HSF2: variants seen among roughly 807,000 people sequenced by gnomAD.
HSF2 encodes the protein heat shock factor protein 2.
In HSF2, 21 loss-of-function variants were observed where a neutral mutation model predicts 65.0. The ratio of observed to expected loss-of-function variants is 0.32; its 90% CI spans 0.23 to 0.47. HSF2 has a LOEUF of 0.47. Ranked by LOEUF, HSF2 falls within the 20% of genes least tolerant of loss-of-function variation. The probability of loss-of-function intolerance (pLI) is 1.00; values close to 1 mark genes in which losing one functional copy is unlikely to be tolerated. For synonymous variants in HSF2, 225 were observed against 219.1 expected (o/e 1.03, Z -0.24); for missense variants, 499 against 628.1 (o/e 0.79, Z 2.20).
chr6:122,415,354 C>G (rs1485021422), intron 4 of HSF2, among the ~76,000 whole-genome samples: 1 of 152,004 alleles, frequency 6.6e-6, no homozygotes, highest in Non-Finnish European at 1.5e-5. Context: ...TTTGTATGAT[C>G]TTGAGCAGTT....
At chr6:122,405,817 T>A (rs1198005881) in intron 1 of HSF2, among the ~76,000 whole-genome samples, 1 of 152,212 alleles carries the variant, frequency 6.6e-6, no homozygotes, top group African/African-American at 2.4e-5. Context: ...CAAGCCTAAT[T>A]TACTATTTGT....
chr6:122,410,033 T>C (rs2114428633), intron 1 of HSF2, among the ~76,000 whole-genome samples: 1 of 152,100 alleles, frequency 6.6e-6, no homozygotes, highest in East Asian at 1.9e-4. Context: ...AATCACTTCT[T>C]CTTTTGTACT....
intron 1 of HSF2, among the ~76,000 whole-genome samples, chr6:122,402,557 TA>T (rs1187960928): frequency 1.3e-5 from 2 of 151,926 alleles, no homozygotes; most frequent in African/African-American, 4.8e-5. Flanking sequence ...CACTATATCA[TA>T]TTCGTTTTTT....
chr6:122,431,851 G>C (rs945955059), intron 12 of HSF2, 74 bp from the exon 13 acceptor site: 3 of 1,347,636 alleles, frequency 2.2e-6, no homozygotes, highest in Admixed American at 2.1e-5. Flanking sequence ...GTACATCTCT[G>C]TTTTCATTTT....
chr6:122,427,694 C>T (rs1316521094), intron 10 of HSF2, among the ~76,000 whole-genome samples: 1 of 152,032 alleles, frequency 6.6e-6, no homozygotes, highest in Non-Finnish European at 1.5e-5. Flanking sequence ...ATTCTTACCA[C>T]ATGAAATTTT....
chr6:122,429,494 T>G (rs1379991340), intron 11 of HSF2, among the ~76,000 whole-genome samples: 1 of 152,156 alleles, frequency 6.6e-6, no homozygotes, highest in Non-Finnish European at 1.5e-5. Flanking sequence ...CCCTTGCTCA[T>G]GACAGGTATT....
intron 1 of HSF2, among the ~76,000 whole-genome samples, chr6:122,406,304 A>G (rs551850455): frequency 2.6e-5 from 4 of 152,192 alleles, no homozygotes; most frequent in Non-Finnish European, 5.9e-5. Flanking sequence ...AGAGATCTAA[A>G]TGATTAGAAA....
At chr6:122,421,495 C>A (rs1303792244) in intron 7 of HSF2, among the ~76,000 whole-genome samples, 2 of 135,054 alleles carry the variant, frequency 1.5e-5, no homozygotes, top group Non-Finnish European at 3.3e-5. Flanking sequence ...TAAAGTACTT[C>A]ACATCCTTTG....
At chr6:122,403,982 A>G (rs1316631221) in intron 1 of HSF2, among the ~76,000 whole-genome samples, 1 of 152,246 alleles carries the variant, frequency 6.6e-6, no homozygotes, top group African/African-American at 2.4e-5. Flanking sequence ...GAAGTGAAGC[A>G]GTATAAAAGA....
chr6:122,418,303 A>G (rs1322745582), intron 5 of HSF2, among the ~76,000 whole-genome samples: 1 of 152,202 alleles, frequency 6.6e-6, no homozygotes, highest in Non-Finnish European at 1.5e-5. Context: ...TTATACTCAC[A>G]TCAGTATCCA....
intron 1 of HSF2, among the ~76,000 whole-genome samples, chr6:122,406,765 G>A (rs1485255891): frequency 6.7e-6 from 1 of 148,558 alleles, no homozygotes. Context: ...ATTAAAAATG[G>A]ATCTCTAGTA....
intron 1 of HSF2, among the ~76,000 whole-genome samples, chr6:122,401,547 G>T (rs1484221583): frequency 1.3e-5 from 2 of 152,326 alleles, no homozygotes; most frequent in Admixed American, 1.3e-4. Context: ...ACTGTCAAAT[G>T]TGGAGAGTTT....
chr6:122,420,852 T>C (rs1774220461), intron 7 of HSF2, among the ~76,000 whole-genome samples: 1 of 150,866 alleles, frequency 6.6e-6, no homozygotes, highest in Non-Finnish European at 1.5e-5. Flanking sequence ...GCTGGGACTA[T>C]AGGTGTGTGC....
rs1397824451 is a variant in HSF2 at position 122,420,241 on chromosome 6, T to C, written c.681+19T>C. The C allele has an allele frequency of 2.1e-5, 33 of 1,561,496 alleles. No individual in the cohort carries two copies. The highest frequency in any genetic ancestry group is 2.8e-5 in the Non-Finnish European group (32 of 1,138,348). On this transcript the variant is annotated intron_variant, in intron 7 of 12. Coordinates refer to ENST00000368455, the MANE Select transcript of HSF2 (RefSeq NM_004506.4). The stretch of plus-strand genomic sequence containing the variant: ...TCATAAAGTAATTTTTTAGTTAGGG[T>C]CTATTTTATATTTATTGTCTCAGAC...
intron 4 of HSF2, among the ~76,000 whole-genome samples, chr6:122,414,197 G>A (rs189859704): frequency 2.8e-4 from 43 of 152,222 alleles, no homozygotes; most frequent in Non-Finnish European, 4.1e-4. Flanking sequence ...AAGATGCTTC[G>A]TTTTATTTTA....
chr6:122,428,099 C>G (rs1774377867), intron 11 of HSF2, 143 bp downstream of exon 11: 3 of 486,608 alleles, frequency 6.2e-6, no homozygotes. Flanking sequence ...TAATAAAATT[C>G]TAGTTGAAAA....
chr6:122,432,112 T>C lies in HSF2; in HGVS notation c.1503T>C (p.Val501=), dbSNP rs191413355. ...CAGAACCAACCCAAAGTAAGCTTGT[T>C]CGCCTGGAGCCATTGACTGAAGCTG... The part of the protein sequence containing the change: ...LDPEPTQSKL[V]RLEPLTEAEA... Residue 501 remains valine (V), a synonymous_variant, in exon 13 of 13, where the codon GTT becomes GTC. Coordinates refer to ENST00000368455, the MANE Select transcript of HSF2 (RefSeq NM_004506.4). 144 of 1,614,152 alleles carry C rather than the reference T, an allele frequency of 8.9e-5. 1 individual carries two copies. Among genetic ancestry groups the C allele is most frequent in the East Asian group, 5.3e-4 (24 of 44,882 alleles).
intron 1 of HSF2, among the ~76,000 whole-genome samples, chr6:122,402,184 A>G (rs1472261637): frequency 6.6e-6 from 1 of 152,244 alleles, no homozygotes; most frequent in Non-Finnish European, 1.5e-5. Context: ...GAGCTCCCAG[A>G]TCAGTCTTCC....
intron 7 of HSF2, among the ~76,000 whole-genome samples, chr6:122,420,700 CTTTTTTTT>C (rs59305295): frequency 0.013 from 375 of 28,490 alleles, 1 homozygote; most frequent in African/African-American, 0.05. Flanking sequence ...TTATTCATTT[CTTTTTTTT>C]TTTTTTTTTT....
Sources: gnomAD v4.1 joint callset for allele counts (sites outside exome capture counted in the v4.1 genomes callset) on GRCh38, gnomAD v4.1.1 for gene constraint, MANE v1.5 for transcripts, NCBI Gene and HGNC (gene_info 2026-07-23, HGNC 2026-07-21) for gene names.